CPQ: variants seen among roughly 807,000 people sequenced by gnomAD.
The protein encoded by CPQ is carboxypeptidase Q.
Under a neutral mutation model 45.7 loss-of-function variants are expected in CPQ, and 37 were observed. That is an observed-to-expected ratio of 0.81 (90% CI 0.62 to 1.07). The LOEUF (loss-of-function observed/expected upper bound fraction) is 1.07, where lower values mean the gene tolerates loss of function less well. Among genes scored for constraint, CPQ ranks in the 50% least tolerant of loss-of-function variants. The probability of loss-of-function intolerance (pLI) is 0.00; values close to 1 mark genes in which losing one functional copy is unlikely to be tolerated. For missense variants in CPQ, 537 were observed against 572.9 expected, an observed-to-expected ratio of 0.94 and a Z score of 0.64; for synonymous variants, 186 against 205.8, an observed-to-expected ratio of 0.90 and a Z score of 0.82.
intron 1 of CPQ, among the ~76,000 whole-genome samples, chr8:96,752,684 G>T (rs994907102): frequency 6.6e-6 from 1 of 152,138 alleles, no homozygotes; most frequent in Non-Finnish European, 1.5e-5. Context: ...AGTGGTGAGA[G>T]AGGGCATCCT....
rs772442201 is a variant in CPQ, at chr8:97,066,137, C to T, written c.1182C>T (p.Pro394=). The T allele has an allele frequency of 1.2e-6, 2 of 1,611,714 alleles. No homozygotes were observed. Among genetic ancestry groups the T allele is most frequent in the East Asian group, 2.2e-5 (1 of 44,810 alleles). ...AGGAGGTTATGAGCCTGCTGCAGCCCCTCAATATCACTCAGGTCCTGAGCC... is the reference window on the plus strand; with the variant it reads ...AGGAGGTTATGAGCCTGCTGCAGCCTCTCAATATCACTCAGGTCCTGAGCC... ...IMEEVMSLLQ[P]LNITQVLSHG... The change falls in exon 7 of 8, where the codon CCC becomes CCT. Residue 394 remains proline (P), a synonymous_variant. Coordinates refer to ENST00000220763, the MANE Select transcript of CPQ (RefSeq NM_016134.4).
chr8:97,033,084 T>C (rs1809936892), intron 6 of CPQ, among the ~76,000 whole-genome samples: 1 of 149,726 alleles, frequency 6.7e-6, no homozygotes, highest in South Asian at 2.1e-4. Context: ...CCCCTTTAGA[T>C]GGATGATAAT....
chr8:97,112,591 C>T (rs1198603902), intron 7 of CPQ, among the ~76,000 whole-genome samples: 7 of 152,278 alleles, frequency 4.6e-5, no homozygotes, highest in Admixed American at 3.9e-4. Context: ...CTTTCTTGTA[C>T]GTTCTAAGAA....
Position 96,795,832 on chromosome 8 carries a change from T to C in CPQ, c.433+10502T>C, listed in dbSNP as rs557443387. Among the ~76,000 whole-genome samples, 347 of 152,198 alleles carry C rather than the reference T, an allele frequency of 2.3e-3. 4 individuals are homozygous for C. Among genetic ancestry groups the C allele is most frequent in the African/African-American group, 8.2e-3 (339 of 41,554 alleles). On this transcript the variant is annotated intron_variant, in intron 2 of 7. Transcript: ENST00000220763. ...AAATGACATATAAAGGAGGAATCAT[T>C]GGTATATTCTAGGAAGTTGTAGGAG...
At chr8:96,660,638 T>G (rs764740800) in intron 1 of CPQ, among the ~76,000 whole-genome samples, 3 of 125,480 alleles carry the variant, frequency 2.4e-5, no homozygotes, top group East Asian at 2.0e-4. Flanking sequence ...ATACATTTGG[T>G]GTGTGTGTGT....
rs534856487 is a variant in CPQ at position 97,137,801 on chromosome 8, C to T, written c.1256-5219C>T. 1.4e-3 allele frequency among the ~76,000 whole-genome samples: 215 copies of T among 152,062 alleles called. 1 individual carries two copies. The highest frequency in any genetic ancestry group is 4.6e-3 in the African/African-American group (191 of 41,456). ...AAAATTAGCTGGGCGTGGTGGCAGG[C>T]GCCTGTAGTCCCGGGAGGCGGAGCT... On this transcript the variant is annotated intron_variant, in intron 7 of 7. Transcript: ENST00000220763.
intron 1 of CPQ, among the ~76,000 whole-genome samples, chr8:96,701,626 A>G (rs1809463381): frequency 6.6e-6 from 1 of 152,194 alleles, no homozygotes; most frequent in East Asian, 1.9e-4. Context: ...GGCTCCGAAG[A>G]GATCTGAGGT....
At chr8:97,140,530 G>A (rs1812140999) in intron 7 of CPQ, among the ~76,000 whole-genome samples, 4 of 151,798 alleles carry the variant, frequency 2.6e-5, no homozygotes. Context: ...ATGTAAAACT[G>A]TTATAAAACT....
At chr8:97,131,596 ATTCTAC>A (rs1238752005) in intron 7 of CPQ, among the ~76,000 whole-genome samples, 3 of 152,162 alleles carry the variant, frequency 2.0e-5, no homozygotes, top group Non-Finnish European at 2.9e-5. Flanking sequence ...TCTAGCTATA[ATTCTAC>A]TTCTGACAGT....
chr8:96,810,614 A>G (rs1811150125), intron 2 of CPQ, among the ~76,000 whole-genome samples: 2 of 152,224 alleles, frequency 1.3e-5, no homozygotes, highest in African/African-American at 4.8e-5. Context: ...TCATTGGAAG[A>G]GTGTTGTTTC....
intron 7 of CPQ, among the ~76,000 whole-genome samples, chr8:97,123,138 TAAAATAAAATAAATA>T (rs1811772191): frequency 1.9e-5 from 1 of 51,504 alleles, no homozygotes; most frequent in Non-Finnish European, 3.8e-5. Flanking sequence ...TAAAATAAAA[TAAAATAAAATAAATA>T]AAATAAAATA....
chr8:96,757,373 A>G (rs1810341487), intron 1 of CPQ, among the ~76,000 whole-genome samples: 1 of 147,596 alleles, frequency 6.8e-6, no homozygotes, highest in Non-Finnish European at 1.5e-5. Context: ...AATAATAATA[A>G]TAATAATAAT....
At chr8:96,760,322 G>T (rs571186538) in intron 1 of CPQ, among the ~76,000 whole-genome samples, 1 of 152,198 alleles carries the variant, frequency 6.6e-6, no homozygotes, top group African/African-American at 2.4e-5. Context: ...CAGGAACCTT[G>T]TAAGTCTGGT....
At chr8:96,692,137 C>T (rs1809312753) in intron 1 of CPQ, among the ~76,000 whole-genome samples, 1 of 151,990 alleles carries the variant, frequency 6.6e-6, no homozygotes, top group Admixed American at 6.6e-5. Flanking sequence ...AAAGGGTATT[C>T]TAGAAAGGAG....
chr8:96,700,913 T>C (rs1021370760), intron 1 of CPQ, among the ~76,000 whole-genome samples: 1 of 152,184 alleles, frequency 6.6e-6, no homozygotes, highest in African/African-American at 2.4e-5. Context: ...GAAACTGGAA[T>C]TTAAAATATA....
At chr8:96,814,614 T>C (rs1435985172) in intron 2 of CPQ, among the ~76,000 whole-genome samples, 15 of 152,198 alleles carry the variant, frequency 9.9e-5, no homozygotes, top group Admixed American at 6.5e-4. Flanking sequence ...TAAATGGTTT[T>C]GAGCCATAAT....
chr8:96,932,750 A>G (rs1220122551), intron 4 of CPQ, among the ~76,000 whole-genome samples: 1 of 152,166 alleles, frequency 6.6e-6, no homozygotes, highest in Non-Finnish European at 1.5e-5. Flanking sequence ...AGCCTCTTTC[A>G]GGTAAGAGAG....
rs186173796 is a variant in CPQ at position 96,728,565 on chromosome 8, C to T, written c.-34-56299C>T. Among the ~76,000 whole-genome samples, 10 of 152,244 alleles carry T rather than the reference C, an allele frequency of 6.6e-5. No homozygotes were observed. In the East Asian group the frequency reaches 1.7e-3, roughly 26 times the overall value. On this transcript the variant is annotated intron_variant, in intron 1 of 7. Coordinates refer to ENST00000220763, the MANE Select transcript of CPQ (RefSeq NM_016134.4). ...AGGCTTTTGAGCATTTGAGAATATC[C>T]TTCTCAAAACAGAAAACCTTTGCTT...
intron 5 of CPQ, among the ~76,000 whole-genome samples, chr8:96,973,561 T>C (rs916619324): frequency 6.6e-6 from 1 of 152,016 alleles, no homozygotes; most frequent in African/African-American, 2.4e-5. Flanking sequence ...CCTAGGCACA[T>C]AGTCATCAGG....
Sources: allele counts gnomAD v4.1 joint callset (sites outside exome capture counted in the v4.1 genomes callset), GRCh38; gene constraint gnomAD v4.1.1; transcripts MANE v1.5; gene names NCBI Gene and HGNC (gene_info 2026-07-23, HGNC 2026-07-21).